The following COLEC11 variants were observed in gnomAD, a reference collection of about 807,000 sequenced individuals.
COLEC11 encodes the protein collectin-11.
Under a neutral mutation model 27.3 loss-of-function variants are expected in COLEC11, and 20 were observed. The observed-to-expected ratio is 0.73, with a 90% CI of 0.51 to 1.06. The LOEUF (loss-of-function observed/expected upper bound fraction) is 1.06. COLEC11 is among the 50% of genes least tolerant of loss of function. The probability of loss-of-function intolerance (pLI) is 0.00; values close to 1 mark genes in which losing one functional copy is unlikely to be tolerated. For missense variants in COLEC11, 310 were observed against 383.0 expected, an observed-to-expected ratio of 0.81 and a Z score of 1.59; for synonymous variants, 163 against 154.7, an observed-to-expected ratio of 1.05 and a Z score of -0.40.
At chr2:3,606,286 G>T (rs1463547099) in intron 2 of COLEC11, 3 of 1,508,884 alleles carry the variant, frequency 2.0e-6, no homozygotes, top group Non-Finnish European at 2.7e-6. Context: ...TGGGCTCCAG[G>T]GTCCTTTCTG....
chr2:3,634,632 C>G (rs926954953), intron 3 of COLEC11, among the ~76,000 whole-genome samples: 1 of 152,168 alleles, frequency 6.6e-6, no homozygotes, highest in Admixed American at 6.5e-5. Flanking sequence ...CAGAAATCTT[C>G]AGGTTGAAAT....
In COLEC11 at chr2:3,613,356, G is replaced by T. The variant is rs1558496543; in HGVS notation, c.176G>T (p.Gly59Val). The change falls in exon 3 of 7, where the codon GGA becomes GTA. Residue 59 changes from glycine (G) to valine (V), a missense_variant. Transcript: ENST00000349077. ...GACAAAGGCGCCCCCGGACGGCCTGGAAGAGTCGGCCCCACGGGAGAAAAA... is the reference window on the plus strand; with the variant it reads ...GACAAAGGCGCCCCCGGACGGCCTGTAAGAGTCGGCCCCACGGGAGAAAAA... ...KGDKGAPGRP[G>V]RVGPTGEKGD... The T allele has an allele frequency of 6.2e-7, 1 of 1,607,460 alleles. No individual in the cohort carries two copies. Among genetic ancestry groups the T allele is most frequent in the Admixed American group, 1.7e-5 (1 of 59,050 alleles).
At position 3,641,445 on chromosome 2, in the gene COLEC11, G is replaced by A. The variant is rs187181735; in HGVS notation, c.328+1114G>A. The A allele has an allele frequency of 4.7e-3, 5,933 of 1,274,928 alleles. 25 individuals carry two copies. Among genetic ancestry groups the A allele is most frequent in the Middle Eastern group, 5.4e-3 (16 of 2,986 alleles). The allele number at this position is 1,274,928 out of a possible 1,614,324, so 79.0% of individuals were successfully genotyped here. A position where few individuals can be genotyped will look rare whatever the true frequency, so the allele number is the denominator to read the frequency against. Reference sequence around the variant, plus strand: ...GAAGGACCTGGAGGCAGGTGACGGCGGGGCAAGGAGAGGGGACGTCCCATC... The same window carrying A: ...GAAGGACCTGGAGGCAGGTGACGGCAGGGCAAGGAGAGGGGACGTCCCATC... On this transcript the variant is annotated intron_variant, in intron 5 of 6. Coordinates refer to ENST00000349077, the MANE Select transcript of COLEC11 (RefSeq NM_024027.5).
chr2:3,637,666 C>T lies in COLEC11; in HGVS notation c.274+62C>T, dbSNP rs1007313300. 8 of 1,273,974 alleles carry T rather than the reference C, an allele frequency of 6.3e-6. No individual in the cohort carries two copies. The African/African-American group carries it at 7.3e-5, about 12-fold the overall frequency. 78.9% of individuals were successfully genotyped at this position (1,273,974 alleles called of 1,614,324 possible). ...GCCCCTAGGGTCAGCGTCTGGATAC[C>T]CTGAGAATAATTGTAGCCTGAATTG... On this transcript the variant is annotated intron_variant, in intron 4 of 6. Transcript: ENST00000349077.
At chr2:3,618,516 C>T (rs1181617274) in intron 3 of COLEC11, among the ~76,000 whole-genome samples, 2 of 152,170 alleles carry the variant, frequency 1.3e-5, no homozygotes, top group South Asian at 2.1e-4. Flanking sequence ...CTTCTCTGCT[C>T]TATTGTCTAT....
intron 3 of COLEC11, chr2:3,625,997 G>T: frequency 6.2e-7 from 1 of 1,605,986 alleles, no homozygotes; most frequent in Non-Finnish European, 8.5e-7. Context: ...TCATAACATT[G>T]TATTTACTTT....
chr2:3,635,717 C>G (rs1665356191), intron 3 of COLEC11, among the ~76,000 whole-genome samples: 1 of 152,246 alleles, frequency 6.6e-6, no homozygotes, highest in South Asian at 2.1e-4. Context: ...CTGTCCAGCT[C>G]CAGCCTAGGT....
At chr2:3,624,853 C>A (rs1664422260) in intron 3 of COLEC11, among the ~76,000 whole-genome samples, 1 of 152,176 alleles carries the variant, frequency 6.6e-6, no homozygotes, top group Non-Finnish European at 1.5e-5. Flanking sequence ...CTAACATCAC[C>A]CATGTGTGCA....
chr2:3,642,708 G>A (rs1193111521), intron 5 of COLEC11, among the ~76,000 whole-genome samples: 1 of 152,144 alleles, frequency 6.6e-6, no homozygotes. Flanking sequence ...GCCCTTGATC[G>A]CTAGGTGGTG....
intron 1 of COLEC11, among the ~76,000 whole-genome samples, chr2:3,597,041 C>T (rs1352001936): frequency 2.0e-5 from 3 of 152,224 alleles, no homozygotes; most frequent in Admixed American, 1.3e-4. Flanking sequence ...GAATGGGCAG[C>T]GGGGTCAGTG....
intron 3 of COLEC11, among the ~76,000 whole-genome samples, chr2:3,619,107 A>G (rs1300788995): frequency 6.6e-6 from 1 of 152,130 alleles, no homozygotes; most frequent in Non-Finnish European, 1.5e-5. Context: ...GCCATCTGCA[A>G]ACAGAGCCAG....
intron 5 of COLEC11, chr2:3,641,471 C>A (rs901736185): frequency 4.0e-6 from 5 of 1,237,158 alleles, no homozygotes; most frequent in Non-Finnish European, 2.1e-6. Context: ...ACGTCCCATC[C>A]CGGGGCTGAG....
At position 3,610,467 on chromosome 2, in the gene COLEC11, A is replaced by G. The variant is rs558025310; in HGVS notation, c.131-2844A>G. On this transcript the variant is annotated intron_variant, in intron 2 of 6. Coordinates refer to ENST00000349077, the MANE Select transcript of COLEC11 (RefSeq NM_024027.5). ...TTTCAGCCAGTGGGAGAAAGAGCAG[A>G]CTGCTGTCATGTAGGCGGTGTGAAA... Among the ~76,000 whole-genome samples, 8 of 152,312 alleles carry G rather than the reference A, an allele frequency of 5.3e-5. No homozygotes were observed. In the South Asian group the frequency reaches 1.7e-3, roughly 32 times the overall value.
intron 3 of COLEC11, chr2:3,626,222 T>C (rs1316526377): frequency 2.4e-5 from 20 of 847,366 alleles, no homozygotes; most frequent in Non-Finnish European, 4.1e-5. Flanking sequence ...TAGATGGACG[T>C]GGTTTGCTGG....
intron 1 of COLEC11, among the ~76,000 whole-genome samples, chr2:3,601,167 C>T (rs34681484): frequency 2.6e-5 from 4 of 152,064 alleles, no homozygotes; most frequent in East Asian, 1.9e-4. Flanking sequence ...GGGGCCTCGG[C>T]GTGGTGGCAG....
In COLEC11 at chr2:3,595,121, G is replaced by A. The variant is rs1223613046; in HGVS notation, c.-74G>A. 7 of 371,136 alleles carry A rather than the reference G, an allele frequency of 1.9e-5. No homozygotes were observed. In the Admixed American group the frequency reaches 2.2e-4, roughly 11 times the overall value. 23.0% of individuals were successfully genotyped at this position (371,136 alleles called of 1,614,324 possible). On this transcript the variant is annotated 5_prime_UTR_variant, in exon 1 of 7. Transcript: ENST00000349077. ...TGAGGCGCCTGGGGGCAGTGTCCTC[G>A]CGGGCCAGCGACGGGCAGGACGCCC...
chr2:3,603,645 G>C (rs201886374), intron 1 of COLEC11: 6 of 1,551,024 alleles, frequency 3.9e-6, no homozygotes, highest in South Asian at 2.4e-5. Context: ...CGCCCTTCAC[G>C]ATGAAGAAAC....
At chr2:3,636,156 A>G (rs763473742) in intron 3 of COLEC11, among the ~76,000 whole-genome samples, 5 of 152,162 alleles carry the variant, frequency 3.3e-5, no homozygotes, top group African/African-American at 9.7e-5. Flanking sequence ...CGTGCGATAG[A>G]AAGTCCTTCC....
At chr2:3,638,291 G>A (rs536104859) in intron 4 of COLEC11, among the ~76,000 whole-genome samples, 9 of 152,334 alleles carry the variant, frequency 5.9e-5, no homozygotes, top group Non-Finnish European at 1.0e-4. Flanking sequence ...TCTTTGGAGC[G>A]CCTGGCTTGT....
Sources: allele counts gnomAD v4.1 joint callset (sites outside exome capture counted in the v4.1 genomes callset), GRCh38; gene constraint gnomAD v4.1.1; transcripts MANE v1.5; gene names NCBI Gene and HGNC (gene_info 2026-07-23, HGNC 2026-07-21).